The following HAPLN4 variants were observed in gnomAD, a reference collection of about 807,000 sequenced individuals.
HAPLN4 encodes brain link protein 2.
HAPLN4 carries 19 observed loss-of-function variants against 28.0 expected under a neutral mutation model. The observed-to-expected ratio is 0.68, with a 90% CI of 0.47 to 1.00. HAPLN4 has a LOEUF of 1.00. Among genes scored for constraint, HAPLN4 ranks in the 50% least tolerant of loss-of-function variants. HAPLN4 has a pLI of 0.00. For synonymous variants in HAPLN4, 274 were observed against 273.0 expected, an observed-to-expected ratio of 1.00 and a Z score of -0.03; for missense variants, 587 against 602.6, an observed-to-expected ratio of 0.97 and a Z score of 0.27.
chr19:19,257,565 A>G lies in HAPLN4; in HGVS notation c.*252T>C. Reference sequence around the variant, plus strand: ...GAGGTCCTCAGGGGGCGTGACCCTCATGGAGAAAGTTGGGGAGTTGGGGGA... The same window carrying G: ...GAGGTCCTCAGGGGGCGTGACCCTCGTGGAGAAAGTTGGGGAGTTGGGGGA... On this transcript the variant is annotated 3_prime_UTR_variant, in exon 5 of 5. Transcript: ENST00000291481. 2.6e-6 allele frequency: 1 copy of G among 384,978 alleles called. No individual in the cohort carries two copies. The highest frequency in any genetic ancestry group is 4.0e-5 in the East Asian group (1 of 25,128). 23.8% of individuals were successfully genotyped at this position (384,978 alleles called of 1,614,324 possible). A position where few individuals can be genotyped will look rare whatever the true frequency, so the allele number is the denominator to read the frequency against.
At chr19:19,259,524 C>G (rs1012269936) in intron 3 of HAPLN4, among the ~76,000 whole-genome samples, 1 of 151,192 alleles carries the variant, frequency 6.6e-6, no homozygotes, top group Non-Finnish European at 1.5e-5. Context: ...GGGAGAAGGC[C>G]TGGAGCTGAC....
At chr19:19,261,772 C>A (rs1013631147) in intron 1 of HAPLN4, 3 of 501,786 alleles carry the variant, frequency 6.0e-6, no homozygotes, top group Non-Finnish European at 1.0e-5. Flanking sequence ...GACTCCCCCC[C>A]GCCCTCAGTC....
intron 1 of HAPLN4, 137 bp downstream of exon 1, chr19:19,262,593 G>A (rs1568609896): frequency 5.7e-6 from 6 of 1,057,896 alleles, no homozygotes; most frequent in Non-Finnish European, 8.6e-6. Flanking sequence ...CAAAAAGAGA[G>A]ATCAAAGAGG....
rs1311591379 is a variant in HAPLN4, at chr19:19,258,894, C to T, written c.485-39G>A. 1 of 1,459,586 alleles carries T rather than the reference C, an allele frequency of 6.9e-7. No individual in the cohort carries two copies. Among genetic ancestry groups the T allele is most frequent in the Non-Finnish European group, 9.1e-7 (1 of 1,095,650 alleles). The allele number at this position is 1,459,586 out of a possible 1,614,324, so 90.4% of individuals were successfully genotyped here. On this transcript the variant is annotated intron_variant, in intron 3 of 4. Coordinates refer to ENST00000291481, the MANE Select transcript of HAPLN4 (RefSeq NM_023002.3). This position sits in a 1 kb window ranked among gnomAD's most constrained non-coding sequence, Gnocchi z 6.2. ...CACGGGATCAGCAGGTACACCCCAG[C>T]CCACCCTCATGCACCTGACGTCTGG...
rs747219805 is a variant in HAPLN4 at position 19,257,817 on chromosome 19, C to T, written c.1209G>A (p.Ter403=). The part of the protein sequence containing the change: ...DPAAWTPLHV[*] ...CCCTGGCTGTCCGCCTACTCCCAGC[C>T]TAGACGTGCAGAGGGGTCCAGGCAG... is the stretch of plus-strand genomic sequence containing the variant. The change falls in exon 5 of 5, where the codon TAG becomes TAA. Residue 403 remains the stop codon, a stop_retained_variant. Coordinates refer to ENST00000291481, the MANE Select transcript of HAPLN4 (RefSeq NM_023002.3). The T allele has an allele frequency of 5.0e-6, 7 of 1,402,836 alleles. No homozygotes were observed. The highest frequency in any genetic ancestry group is 6.4e-6 in the Non-Finnish European group (7 of 1,087,150). The allele number at this position is 1,402,836 out of a possible 1,614,324, so 86.9% of individuals were successfully genotyped here. A position where few individuals can be genotyped will look rare whatever the true frequency, so the allele number is the denominator to read the frequency against.
Position 19,261,568 on chromosome 19 carries a change from G to C in HAPLN4, c.4-5C>G. On this transcript the variant is annotated splice_polypyrimidine_tract_variant and splice_region_variant and intron_variant, in intron 1 of 4. Transcript: ENST00000291481. ...GAGGGCCGCCCGAGCGCACACCTGG[G>C]GGGCGGGCACGGGGCGCTCAGTCCA... The C allele has an allele frequency of 2.0e-6, 3 of 1,480,070 alleles. No homozygotes were observed. The highest frequency in any genetic ancestry group is 2.7e-6 in the Non-Finnish European group (3 of 1,122,126). 91.7% of individuals were successfully genotyped at this position (1,480,070 alleles called of 1,614,324 possible). A position where few individuals can be genotyped will look rare whatever the true frequency, so the allele number is the denominator to read the frequency against.
Position 19,262,718 on chromosome 19 carries a change from A to G in HAPLN4, c.3+12T>C. The G allele has an allele frequency of 6.2e-7, 1 of 1,612,440 alleles. No individual in the cohort carries two copies. Among genetic ancestry groups the G allele is most frequent in the Non-Finnish European group, 8.5e-7 (1 of 1,179,292 alleles). Reference sequence around the variant, plus strand: ...CGGGGCACACACCACCCGCGCCCGCAGCCCCACTTACCATCTTGCCCGCGC... The same window carrying G: ...CGGGGCACACACCACCCGCGCCCGCGGCCCCACTTACCATCTTGCCCGCGC... On this transcript the variant is annotated intron_variant, in intron 1 of 4. Coordinates refer to ENST00000291481, the MANE Select transcript of HAPLN4 (RefSeq NM_023002.3).
chr19:19,257,436 G>C lies in HAPLN4; in HGVS notation c.*381C>G, dbSNP rs759669043. 55 of 198,604 alleles carry C rather than the reference G, an allele frequency of 2.8e-4. No individual in the cohort carries two copies. The highest frequency in any genetic ancestry group is 2.7e-4 in the Non-Finnish European group (27 of 99,566). The allele number at this position is 198,604 out of a possible 1,614,324, so 12.3% of individuals were successfully genotyped here. ...GTACGGCCGGTCTCTAGTCAATCCCGGGGGTCCAGCCACCAGGCGACCACG... is the reference window on the plus strand; with the variant it reads ...GTACGGCCGGTCTCTAGTCAATCCCCGGGGTCCAGCCACCAGGCGACCACG... On this transcript the variant is annotated 3_prime_UTR_variant, in exon 5 of 5. Coordinates refer to ENST00000291481, the MANE Select transcript of HAPLN4 (RefSeq NM_023002.3).
chr19:19,261,999 A>G (rs1162348877), intron 1 of HAPLN4, among the ~76,000 whole-genome samples: 1 of 151,386 alleles, frequency 6.6e-6, no homozygotes, highest in Non-Finnish European at 1.5e-5. Context: ...AGACGCGGGG[A>G]GAGAACAGGG....
rs371392706 is a variant in HAPLN4, at chr19:19,261,472, C to A, written c.95G>T (p.Gly32Val). The part of the protein sequence containing the change: ...LLTAPAGAQR[G>V]RKKVVHVLEG... Reference sequence around the variant, plus strand: ...CAGCACGTGCACGACCTTCTTCCGGCCACGCTGCGCCCCCGCAGGGGCTGT... The same window carrying A: ...CAGCACGTGCACGACCTTCTTCCGGACACGCTGCGCCCCCGCAGGGGCTGT... The change falls in exon 2 of 5, where the codon GGC (glycine) becomes GTC (valine). Residue 32 changes from glycine to valine, a missense_variant. Physicochemically the swap from Gly to Val is moderately radical, Grantham distance 109. Coordinates refer to ENST00000291481, the MANE Select transcript of HAPLN4 (RefSeq NM_023002.3). The A allele has an allele frequency of 5.6e-6, 9 of 1,612,106 alleles. No homozygotes were observed. Among genetic ancestry groups the A allele is most frequent in the Non-Finnish European group, 7.6e-6 (9 of 1,179,704 alleles).
At position 19,257,845 on chromosome 19, in the gene HAPLN4, G is replaced by C; in HGVS notation, c.1181C>G (p.Pro394Arg). 1 of 1,415,110 alleles carries C rather than the reference G, an allele frequency of 7.1e-7. No individual in the cohort carries two copies. The highest frequency in any genetic ancestry group is 9.1e-7 in the Non-Finnish European group (1 of 1,096,572). 87.7% of individuals were successfully genotyped at this position (1,415,110 alleles called of 1,614,324 possible). Residue 394 changes from proline to arginine, a missense_variant, in exon 5 of 5, where the codon CCT becomes CGT. Coordinates refer to ENST00000291481, the MANE Select transcript of HAPLN4 (RefSeq NM_023002.3). The stretch of plus-strand genomic sequence containing the variant: ...GACGTGCAGAGGGGTCCAGGCAGCA[G>C]GATCGCGCGCGCCCCCTGCCCAGCC... ...GGGWAGGARDPAAWTPLHV is the reference protein window; with the variant it reads ...GGGWAGGARDRAAWTPLHV
At chr19:19,259,769 A>G (rs897731780) in intron 3 of HAPLN4, among the ~76,000 whole-genome samples, 11 of 152,236 alleles carry the variant, frequency 7.2e-5, no homozygotes, top group African/African-American at 2.7e-4. Flanking sequence ...GGAGGTCAGC[A>G]AGCAAGGGCC....
intron 1 of HAPLN4, 78 bp from the exon 2 acceptor site, chr19:19,261,641 C>T: frequency 2.1e-6 from 2 of 964,740 alleles, no homozygotes; most frequent in Non-Finnish European, 2.9e-6. Context: ...CCCGGGCCTG[C>T]CTTCCCCACA....
chr19:19,260,060 C>T lies in HAPLN4; in HGVS notation c.484+753G>A, dbSNP rs143132407. Among the ~76,000 whole-genome samples the T allele has an allele frequency of 1.4e-3, 217 of 152,240 alleles. 2 individuals are homozygous for T. Among genetic ancestry groups the T allele is most frequent in the African/African-American group, 5.2e-3 (214 of 41,536 alleles). On this transcript the variant is annotated intron_variant, in intron 3 of 4. Transcript: ENST00000291481. ...CTTGGTTCCAGAAAGAGAAGCCTGT[C>T]GGAAGAAAGCCTACCTGGGAAGCAG... is the stretch of plus-strand genomic sequence containing the variant.
Position 19,261,159 on chromosome 19 carries a change from C to A in HAPLN4, c.138G>T (p.Ser46=), listed in dbSNP as rs776130844. The A allele has an allele frequency of 6.3e-7, 1 of 1,598,462 alleles. No homozygotes were observed. The highest frequency in any genetic ancestry group is 8.5e-7 in the Non-Finnish European group (1 of 1,169,766). ...VVHVLEGESG[S]VVVQTAPGQV... ...GCCCAGGCGCTGTCTGTACCACTAC[C>A]GAGCCCGACTCACCCTCTGAGGACA... Residue 46 remains serine, a synonymous_variant, in exon 3 of 5, where the codon TCG becomes TCT. Transcript: ENST00000291481.
chr19:19,262,219 CAG>C (rs1453280628), intron 1 of HAPLN4, among the ~76,000 whole-genome samples: 1 of 135,164 alleles, frequency 7.4e-6, no homozygotes, highest in African/African-American at 2.9e-5. Context: ...GAGGGAAAGA[CAG>C]AGATGGAAAG....
chr19:19,259,156 C>T lies in HAPLN4; in HGVS notation c.485-301G>A, dbSNP rs561594257. 2.6e-4 allele frequency among the ~76,000 whole-genome samples: 40 copies of T among 152,294 alleles called. No homozygotes were observed. The South Asian group carries it at 8.3e-3, about 32-fold the overall frequency. ...TCTACCTGTTGAACTCCTATTCATC[C>T]TTCAAAATCCAACTCCCAAACCCTC... On this transcript the variant is annotated intron_variant, in intron 3 of 4. Transcript: ENST00000291481.
At position 19,261,104 on chromosome 19, in the gene HAPLN4, C is replaced by A. The variant is rs1175684485; in HGVS notation, c.193G>T (p.Val65Phe). 3.7e-6 allele frequency: 6 copies of A among 1,612,094 alleles called. No individual in the cohort carries two copies. Among genetic ancestry groups the A allele is most frequent in the Admixed American group, 1.7e-5 (1 of 60,000 alleles). Residue 65 changes from valine to phenylalanine, a missense_variant, in exon 3 of 5, where the codon GTC becomes TTC. Transcript: ENST00000291481. ...QVVSHRGGTIVLPCRYHYEAA... is the reference protein window; with the variant it reads ...QVVSHRGGTIFLPCRYHYEAA... The stretch of plus-strand genomic sequence containing the variant: ...TCATAGTGGTAGCGGCAGGGCAAGA[C>A]GATGGTGCCACCACGGTGGCTTACC...
intron 1 of HAPLN4, among the ~76,000 whole-genome samples, chr19:19,262,015 G>A (rs1006729012): frequency 3.3e-5 from 5 of 151,978 alleles, no homozygotes; most frequent in African/African-American, 1.2e-4. Context: ...CAGGGACAGA[G>A]AGAAAGGCAG....
Sources: gnomAD v4.1 joint callset for allele counts (sites outside exome capture counted in the v4.1 genomes callset) on GRCh38, gnomAD v4.1.1 for gene constraint, Gnocchi (gnomAD v3.1) non-coding constraint, MANE v1.5 for transcripts, NCBI Gene and HGNC (gene_info 2026-07-23, HGNC 2026-07-21) for gene names.